The following NT5DC1 variants were observed in gnomAD, a reference collection of about 807,000 sequenced individuals.
NT5DC1 encodes the protein 5'-nucleotidase domain containing 1, also known as 5'-nucleotidase domain-containing protein 1.
A neutral mutation model predicts 59.4 loss-of-function variants in NT5DC1; 42 were observed. The observed-to-expected ratio is 0.71, with a 90% CI of 0.55 to 0.92. The LOEUF (loss-of-function observed/expected upper bound fraction) is 0.92, where lower values mean the gene tolerates loss of function less well. NT5DC1 is among the 40% of genes least tolerant of loss of function. NT5DC1 has a pLI of 0.00. For missense variants in NT5DC1, 501 were observed against 537.1 expected (o/e 0.93, Z 0.66); for synonymous variants, 172 against 188.1 (o/e 0.91, Z 0.70).
intron 6 of NT5DC1, chr6:116,145,325 C>G (rs888625860): frequency 1.3e-5 from 3 of 227,978 alleles, no homozygotes; most frequent in Non-Finnish European, 3.0e-5. Flanking sequence ...AGCATAAGAT[C>G]TGAGTTCAGT....
intron 6 of NT5DC1, chr6:116,137,212 G>T: frequency 6.1e-6 from 1 of 164,914 alleles, no homozygotes; most frequent in South Asian, 1.7e-4. Flanking sequence ...TCCTGGCCAG[G>T]AGAAGTATTT....
chr6:116,208,397 G>A (rs527855053), intron 6 of NT5DC1, among the ~76,000 whole-genome samples: 3 of 152,046 alleles, frequency 2.0e-5, no homozygotes, highest in Non-Finnish European at 2.9e-5. Flanking sequence ...TTTTAAAACC[G>A]TTTGAAATGA....
chr6:116,108,574 TTGTA>T lies in NT5DC1; in HGVS notation c.257+142_257+145del. ...TGACAGATTGTCTGTCTACATGTCT[TTGTA>T]TGAATTGTTTAAGCCATTTAAATAT... is the stretch of plus-strand genomic sequence containing the variant. On this transcript the variant is annotated intron_variant, in intron 3 of 11. Coordinates refer to ENST00000319550, the MANE Select transcript of NT5DC1 (RefSeq NM_152729.3). 8 of 607,902 alleles carry T rather than the reference TTGTA, an allele frequency of 1.3e-5. 1 individual carries two copies. In the South Asian group the frequency reaches 1.7e-4, roughly 13 times the overall value. 37.7% of individuals were successfully genotyped at this position (607,902 alleles called of 1,614,324 possible).
rs1268808832 is a variant in NT5DC1 at position 116,115,559 on chromosome 6, C to A, written c.365-132C>A. 6.5e-5 allele frequency: 28 copies of A among 432,470 alleles called. No homozygotes were observed. In the Admixed American group the frequency reaches 7.2e-4, roughly 11 times the overall value. The allele number at this position is 432,470 out of a possible 1,614,324, so 26.8% of individuals were successfully genotyped here. A position where few individuals can be genotyped will look rare whatever the true frequency, so the allele number is the denominator to read the frequency against. On this transcript the variant is annotated intron_variant, in intron 4 of 11. Coordinates refer to ENST00000319550, the MANE Select transcript of NT5DC1 (RefSeq NM_152729.3). ...AAGACAATGACAGCCAATAATGGTG[C>A]CACTTTGAATTGGAATGGAGGCTTC...
rs931438034 is a variant in NT5DC1 at position 116,246,932 on chromosome 6, C to T, written c.*2908C>T. On this transcript the variant is annotated 3_prime_UTR_variant, in exon 12 of 12. Transcript: ENST00000319550. ...GGTCATGAGTAGCCTCACTAGGCTA[C>T]TTCATGTACATTATCTTGTTTACTC... 5 of 152,140 alleles carry T rather than the reference C, an allele frequency of 3.3e-5. No homozygotes were observed. The highest frequency in any genetic ancestry group is 5.9e-5 in the Non-Finnish European group (4 of 68,010). 9.4% of individuals were successfully genotyped at this position (152,140 alleles called of 1,614,324 possible). A position where few individuals can be genotyped will look rare whatever the true frequency, so the allele number is the denominator to read the frequency against.
intron 6 of NT5DC1, among the ~76,000 whole-genome samples, chr6:116,219,077 G>A (rs1781742455): frequency 1.3e-5 from 2 of 152,114 alleles, no homozygotes; most frequent in South Asian, 2.1e-4. Context: ...GATCACTTGA[G>A]CCCAGGAGTT....
chr6:116,165,398 A>G (rs542195390), intron 6 of NT5DC1, among the ~76,000 whole-genome samples: 3 of 152,264 alleles, frequency 2.0e-5, no homozygotes, highest in East Asian at 3.9e-4. Flanking sequence ...GATCAGGGAA[A>G]TTTTCCTGAA....
At chr6:116,213,304 T>A (rs190632634) in intron 6 of NT5DC1, among the ~76,000 whole-genome samples, 1 of 152,182 alleles carries the variant, frequency 6.6e-6, no homozygotes, top group East Asian at 1.9e-4. Context: ...AGCTCAACAC[T>A]CAGCTGGGGC....
intron 6 of NT5DC1, among the ~76,000 whole-genome samples, chr6:116,170,820 G>T (rs150986356): frequency 6.6e-6 from 1 of 152,102 alleles, no homozygotes; most frequent in Non-Finnish European, 1.5e-5. Flanking sequence ...AGATCTTGCA[G>T]TTCTCACTCC....
At chr6:116,138,803 G>A (rs2114357119) in intron 6 of NT5DC1, among the ~76,000 whole-genome samples, 1 of 152,176 alleles carries the variant, frequency 6.6e-6, no homozygotes, top group South Asian at 2.1e-4. Flanking sequence ...AGTTAAATAT[G>A]GCAGGGGAAT....
chr6:116,115,964 TTC>T lies in NT5DC1; in HGVS notation c.444+199_444+200del, dbSNP rs1491480140. ...ATTAAATAGCAGTGACCTTTTTTTT[TTC>T]TCTCAGGAAAAATAAACCTATTCTC... On this transcript the variant is annotated intron_variant, in intron 5 of 11. Transcript: ENST00000319550. Among the ~76,000 whole-genome samples the T allele has an allele frequency of 1.1e-4, 16 of 152,162 alleles. No individual in the cohort carries two copies. In the East Asian group the frequency reaches 2.9e-3, roughly 27 times the overall value.
intron 6 of NT5DC1, among the ~76,000 whole-genome samples, chr6:116,160,077 T>A (rs530100850): frequency 1.1e-4 from 16 of 152,320 alleles, no homozygotes; most frequent in African/African-American, 3.8e-4. Context: ...AATAAACATA[T>A]AAGTACAGGT....
At chr6:116,242,966 A>C (rs993482114) in intron 11 of NT5DC1, among the ~76,000 whole-genome samples, 1 of 152,124 alleles carries the variant, frequency 6.6e-6, no homozygotes, top group Non-Finnish European at 1.5e-5. Flanking sequence ...AGAAAAGCTG[A>C]GGCTTAGTGT....
intron 8 of NT5DC1, among the ~76,000 whole-genome samples, chr6:116,228,231 G>C (rs900849974): frequency 6.6e-6 from 1 of 152,156 alleles, no homozygotes; most frequent in Non-Finnish European, 1.5e-5. Context: ...CATTTTGGCC[G>C]GGAGCGGTGG....
chr6:116,240,651 G>T (rs1274573019), intron 11 of NT5DC1, among the ~76,000 whole-genome samples: 2 of 152,122 alleles, frequency 1.3e-5, no homozygotes, highest in African/African-American at 4.8e-5. Context: ...TAAATTCAGA[G>T]TTAACTGCTA....
At chr6:116,218,892 T>C (rs1234648335) in intron 6 of NT5DC1, among the ~76,000 whole-genome samples, 1 of 152,238 alleles carries the variant, frequency 6.6e-6, no homozygotes, top group Non-Finnish European at 1.5e-5. Flanking sequence ...ATAACCTTAA[T>C]GTTTAAGCTA....
At chr6:116,143,250 C>T (rs148881866) in intron 6 of NT5DC1, among the ~76,000 whole-genome samples, 2,073 of 152,124 alleles carry the variant, frequency 0.014, 59 homozygotes, top group African/African-American at 0.048. Flanking sequence ...CTTGCTCTGT[C>T]GCCAGACTGG....
intron 6 of NT5DC1, among the ~76,000 whole-genome samples, chr6:116,208,764 T>C (rs981651052): frequency 2.0e-4 from 31 of 151,988 alleles, no homozygotes; most frequent in African/African-American, 7.2e-4. Flanking sequence ...AAACATCTTA[T>C]TCAGAGACTA....
chr6:116,196,588 A>G lies in NT5DC1; in HGVS notation c.530-24466A>G, dbSNP rs140733003. Among the ~76,000 whole-genome samples the G allele has an allele frequency of 2.0e-3, 307 of 152,208 alleles. 1 individual carries two copies. Among genetic ancestry groups the G allele is most frequent in the Middle Eastern group, 0.014 (4 of 294 alleles). On this transcript the variant is annotated intron_variant, in intron 6 of 11. Coordinates refer to ENST00000319550, the MANE Select transcript of NT5DC1 (RefSeq NM_152729.3). ...TGGATGTTATTTTATCAAATTATATATAGTATATAGAAAGTTGAGGTCAGG... is the reference window on the plus strand; with the variant it reads ...TGGATGTTATTTTATCAAATTATATGTAGTATATAGAAAGTTGAGGTCAGG...
Sources: gnomAD v4.1 joint callset for allele counts (sites outside exome capture counted in the v4.1 genomes callset) on GRCh38, gnomAD v4.1.1 for gene constraint, MANE v1.5 for transcripts, NCBI Gene and HGNC (gene_info 2026-07-23, HGNC 2026-07-21) for gene names.